BOD1L1: variants seen among roughly 807,000 people sequenced by gnomAD.
BOD1L1 encodes biorientation of chromosomes in cell division protein 1-like 1.
A neutral mutation model predicts 240.7 loss-of-function variants in BOD1L1; 86 were observed. The ratio of observed to expected loss-of-function variants is 0.36; its 90% CI spans 0.30 to 0.43. The LOEUF (loss-of-function observed/expected upper bound fraction) is 0.43, where lower values mean the gene tolerates loss of function less well. Ranked by LOEUF, BOD1L1 falls within the 20% of genes least tolerant of loss-of-function variation. The pLI, the probability that BOD1L1 is intolerant of heterozygous loss-of-function variation, is 1.00. For synonymous variants in BOD1L1, 1,268 were observed against 1,272.3 expected (o/e 1.00, Z 0.07); for missense variants, 3,554 against 3,643.5 (o/e 0.98, Z 0.63).
At chr4:13,621,575 C>T (rs985085220) in intron 1 of BOD1L1, among the ~76,000 whole-genome samples, 3 of 152,202 alleles carry the variant, frequency 2.0e-5, no homozygotes, top group African/African-American at 7.2e-5. Flanking sequence ...ATTGTATTTT[C>T]GGAAGCAAGG....
Position 13,590,445 on chromosome 4 carries a change from A to G in BOD1L1, c.8150T>C (p.Val2717Ala). 6.8e-7 allele frequency: 1 copy of G among 1,465,002 alleles called. No homozygotes were observed. The highest frequency in any genetic ancestry group is 1.2e-5 in the South Asian group (1 of 81,200). 90.8% of individuals were successfully genotyped at this position (1,465,002 alleles called of 1,614,324 possible). A position where few individuals can be genotyped will look rare whatever the true frequency, so the allele number is the denominator to read the frequency against. ...ATTTGTTCTGAAGCCTGAATTTTCA[A>G]CCTAAATATACAATATAAAAGATAT... ...EPLLVNESLN[V>A]ENSGFRTNEE... The change falls in exon 14 of 26, where the codon GTT (valine) becomes GCT (alanine). Residue 2717 changes from valine to alanine, a missense_variant and splice_region_variant. By Grantham distance (64) the Val-to-Ala change is moderately conservative. Around this residue, in one of 2 missense-constraint regions of BOD1L1, gnomAD observed 3,393 missense variants for 3,427.1 expected, o/e 0.99. Coordinates refer to ENST00000040738, the MANE Select transcript of BOD1L1 (RefSeq NM_148894.3).
Position 13,620,043 on chromosome 4 carries a change from G to T in BOD1L1, c.268C>A (p.Arg90Ser). The T allele has an allele frequency of 6.2e-7, 1 of 1,607,048 alleles. No individual in the cohort carries two copies. The highest frequency in any genetic ancestry group is 1.7e-5 in the Admixed American group (1 of 58,956). Reference protein sequence around the residue: ...TKPAYQNLRQRVDNFVANHLA... With the variant: ...TKPAYQNLRQSVDNFVANHLA... ...TGATTTGCAACAAAGTTGTCAACACGCTGTCTCAGATTCTGATACGCAGGC... is the reference window on the plus strand; with the variant it reads ...TGATTTGCAACAAAGTTGTCAACACTCTGTCTCAGATTCTGATACGCAGGC... Residue 90 changes from arginine to serine, a missense_variant, in exon 2 of 26, where the codon CGT becomes AGT. Coordinates refer to ENST00000040738, the MANE Select transcript of BOD1L1 (RefSeq NM_148894.3).
intron 21 of BOD1L1, 119 bp downstream of exon 21, chr4:13,580,901 T>G: frequency 1.1e-6 from 1 of 882,262 alleles, no homozygotes. Flanking sequence ...GAATGGTTAC[T>G]CAGTCTTTTA....
In BOD1L1 at chr4:13,627,424, GC is replaced by G; in HGVS notation, c.163del (p.Ala55ProfsTer2). On this transcript the variant is annotated frameshift_variant, in exon 1 of 26. Transcript: ENST00000040738. LOFTEE classifies it high-confidence loss of function. ...GAGAGDPQLVAMIVNHLKSQG... is the reference protein window; with the variant it reads ...GAGAGDPQLVXMIVNHLKSQG... Reference sequence around the variant, plus strand: ...GCTCTTGAGGTGGTTCACGATCATGGCCACGAGCTGCGGGTCCCCGGCGCCC... The same window carrying G: ...GCTCTTGAGGTGGTTCACGATCATGGCACGAGCTGCGGGTCCCCGGCGCCC... 1.5e-6 allele frequency: 2 copies of G among 1,360,846 alleles called. No individual in the cohort carries two copies. Among genetic ancestry groups the G allele is most frequent in the South Asian group, 1.9e-5 (1 of 52,422 alleles). 84.3% of individuals were successfully genotyped at this position (1,360,846 alleles called of 1,614,324 possible).
rs1368175644 is a variant in BOD1L1 at position 13,602,353 on chromosome 4, G to C, written c.4547C>G (p.Ser1516Cys). ...ATGPRRAEKT[S>C]VATSTEGKDK... ...CTTCCCTTCAGTACTAGTGGCAACA[G>C]AAGTCTTTTCTGCTCTCCTAGGCCC... is the stretch of plus-strand genomic sequence containing the variant. The change falls in exon 10 of 26, where the codon TCT (serine) becomes TGT (cysteine). Residue 1516 changes from serine to cysteine, a missense_variant. Physicochemically the swap from Ser to Cys is moderately radical, Grantham distance 112 (BLOSUM62 -1). Transcript: ENST00000040738. 1 of 1,614,004 alleles carries C rather than the reference G, an allele frequency of 6.2e-7. No individual in the cohort carries two copies. Among genetic ancestry groups the C allele is most frequent in the Non-Finnish European group, 8.5e-7 (1 of 1,179,898 alleles).
chr4:13,606,521 T>C (rs1236604964), intron 9 of BOD1L1, among the ~76,000 whole-genome samples: 1 of 152,240 alleles, frequency 6.6e-6, no homozygotes, highest in East Asian at 1.9e-4. Flanking sequence ...AAAATAATCC[T>C]GAAAGGGGGA....
At chr4:13,582,424 T>C in intron 18 of BOD1L1, 114 bp from the exon 19 acceptor site, 1 of 813,792 alleles carries the variant, frequency 1.2e-6, no homozygotes, top group Middle Eastern at 2.3e-4. Context: ...TCCATTTTCA[T>C]GTTTCTACCA....
chr4:13,572,840 T>G (rs919836985), intron 25 of BOD1L1: 4 of 1,289,622 alleles, frequency 3.1e-6, no homozygotes, highest in African/African-American at 1.5e-5. Context: ...GCTATGTTGC[T>G]TTCTGAAACA....
rs1022280448 is a variant in BOD1L1, at chr4:13,600,638, T to C, written c.6262A>G (p.Ile2088Val). 2.5e-6 allele frequency: 4 copies of C among 1,613,924 alleles called. No homozygotes were observed. The highest frequency in any genetic ancestry group is 3.4e-6 in the Non-Finnish European group (4 of 1,179,864). The change falls in exon 10 of 26, where the codon ATT (isoleucine) becomes GTT (valine). Residue 2088 changes from isoleucine to valine, a missense_variant. By Grantham distance (29) the Ile-to-Val change is conservative. Around this residue, in one of 2 missense-constraint regions of BOD1L1, gnomAD observed 3,393 missense variants for 3,427.1 expected, o/e 0.99. Transcript: ENST00000040738. ...TNDYTPQVSA[I>V]TDVEGGLSDA... The stretch of plus-strand genomic sequence containing the variant: ...GAGAGACCTCCTTCCACATCTGTAA[T>C]TGCGCTTACCTGAGGGGTGTAATCA...
chr4:13,583,511 T>C (rs1199129810), intron 17 of BOD1L1, among the ~76,000 whole-genome samples: 1 of 152,176 alleles, frequency 6.6e-6, no homozygotes, highest in East Asian at 1.9e-4. Flanking sequence ...CATTGGGTTT[T>C]GATATAGCCT....
At chr4:13,620,607 A>C (rs1716970207) in intron 1 of BOD1L1, among the ~76,000 whole-genome samples, 1 of 152,162 alleles carries the variant, frequency 6.6e-6, no homozygotes, top group East Asian at 1.9e-4. Flanking sequence ...AGGTGCTAAA[A>C]AGCTTTGGTT....
chr4:13,599,853 C>G lies in BOD1L1; in HGVS notation c.7047G>C (p.Glu2349Asp). Residue 2349 changes from glutamate (E) to aspartate (D), a missense_variant, in exon 10 of 26, where the codon GAG becomes GAC. Around this residue, in one of 2 missense-constraint regions of BOD1L1, gnomAD observed 3,393 missense variants for 3,427.1 expected, o/e 0.99. Transcript: ENST00000040738. The stretch of plus-strand genomic sequence containing the variant: ...CTGGGTTGTCTGCAGTCAGCTGATT[C>G]TCTTCATGTCTGTCAATGCTGGCGG... ...PISASIDRHE[E>D]NQLTADNPEG... 2 of 1,613,982 alleles carry G rather than the reference C, an allele frequency of 1.2e-6. No homozygotes were observed. The highest frequency in any genetic ancestry group is 1.1e-5 in the South Asian group (1 of 91,072).
intron 19 of BOD1L1, among the ~76,000 whole-genome samples, 155 bp from the exon 20 acceptor site, chr4:13,581,362 G>C (rs1414948871): frequency 6.6e-6 from 1 of 152,132 alleles, no homozygotes; most frequent in African/African-American, 2.4e-5. Flanking sequence ...AGGGCTTAGT[G>C]TTTTATTTAC....
At chr4:13,608,813 T>C in intron 7 of BOD1L1, 145 bp from the exon 8 acceptor site, 1 of 627,510 alleles carries the variant, frequency 1.6e-6, no homozygotes. Flanking sequence ...GATATAATAT[T>C]TTGGATGAAG....
intron 25 of BOD1L1, among the ~76,000 whole-genome samples, chr4:13,571,323 G>A (rs1712189762): frequency 1.3e-5 from 2 of 152,194 alleles, no homozygotes; most frequent in African/African-American, 2.4e-5. Context: ...GGAGAAATGG[G>A]ACTCTTAGTG....
At chr4:13,579,320 C>T (rs1016741637) in intron 22 of BOD1L1, among the ~76,000 whole-genome samples, 38 of 152,232 alleles carry the variant, frequency 2.5e-4, no homozygotes, top group African/African-American at 2.6e-4. Flanking sequence ...TAATCTCCTT[C>T]CTCTTTCAAA....
At chr4:13,594,660 G>GAT (rs1714475590) in intron 12 of BOD1L1, among the ~76,000 whole-genome samples, 1 of 152,176 alleles carries the variant, frequency 6.6e-6, no homozygotes, top group Non-Finnish European at 1.5e-5. Context: ...ACTTTGGGAG[G>GAT]CCAAGGCGGG....
In BOD1L1 at chr4:13,582,233, T is replaced by C; in HGVS notation, c.8592+4A>G. The C allele has an allele frequency of 6.2e-7, 1 of 1,609,990 alleles. No individual in the cohort carries two copies. The highest frequency in any genetic ancestry group is 8.5e-7 in the Non-Finnish European group (1 of 1,177,080). On this transcript the variant is annotated splice_donor_region_variant and intron_variant, in intron 19 of 25. Transcript: ENST00000040738. ...AACAAACAAATACGAAAAGCACATCTCACCTCCTGAGATTTTATGGTGTCA... is the reference window on the plus strand; with the variant it reads ...AACAAACAAATACGAAAAGCACATCCCACCTCCTGAGATTTTATGGTGTCA...
intron 25 of BOD1L1, chr4:13,572,587 C>CTTTT: frequency 9.5e-7 from 1 of 1,051,482 alleles, no homozygotes; most frequent in South Asian, 1.6e-5. Flanking sequence ...CAATGATCCC[C>CTTTT]AAAAACAGTT....
Sources: allele counts gnomAD v4.1 joint callset (sites outside exome capture counted in the v4.1 genomes callset), GRCh38; gene constraint gnomAD v4.1.1; regional missense constraint gnomAD v4.1.1; transcripts MANE v1.5; gene names NCBI Gene and HGNC (gene_info 2026-07-23, HGNC 2026-07-21).